Variants in MMP16 observed in about 807,000 individuals in gnomAD.
MMP16 encodes the protein matrix metalloproteinase-16.
A neutral mutation model predicts 67.8 loss-of-function variants in MMP16; 12 were observed. The observed-to-expected ratio is 0.18, with a 90% CI of 0.11 to 0.29. The LOEUF (loss-of-function observed/expected upper bound fraction) is 0.29, where lower values mean the gene tolerates loss of function less well. Among genes scored for constraint, MMP16 ranks in the 10% least tolerant of loss-of-function variants. MMP16 has a pLI of 1.00. For missense variants in MMP16, 475 were observed against 765.7 expected (o/e 0.62, Z 4.48); for synonymous variants, 249 against 255.9 (o/e 0.97, Z 0.26).
chr8:88,179,924 A>G (rs190982302), intron 3 of MMP16, among the ~76,000 whole-genome samples: 2 of 152,190 alleles, frequency 1.3e-5, no homozygotes, highest in Admixed American at 6.5e-5. Flanking sequence ...CAAAAAACCA[A>G]TAACAACAGC....
rs773789516 is a variant in MMP16, at chr8:88,056,259, G to A, written c.1242C>T (p.Phe414=). 5 of 1,574,524 alleles carry A rather than the reference G, an allele frequency of 3.2e-6. No individual in the cohort carries two copies. In the South Asian group the frequency reaches 5.9e-5, roughly 19 times the overall value. The change falls in exon 8 of 10, where the codon TTC becomes TTT. Residue 414 remains phenylalanine, a synonymous_variant. Transcript: ENST00000286614. ...AACCAGGTTGAAGAGTTGTATCCTT[G>A]AACACCCAATATTTGTTACCTGTAT... is the stretch of plus-strand genomic sequence containing the variant. ...VFFKGNKYWV[F]KDTTLQPGYP...
intron 1 of MMP16, among the ~76,000 whole-genome samples, chr8:88,284,836 CTT>C (rs757759799): frequency 2.5e-4 from 36 of 142,714 alleles, no homozygotes; most frequent in Non-Finnish European, 3.2e-4. Context: ...TTCTCTATGC[CTT>C]TTTTTTTTTT....
chr8:88,202,133 A>C (rs2129793916), intron 1 of MMP16, among the ~76,000 whole-genome samples: 1 of 152,314 alleles, frequency 6.6e-6, no homozygotes, highest in Non-Finnish European at 1.5e-5. Context: ...AAATTGCACA[A>C]ATAGAATTCA....
chr8:88,248,906 C>G (rs1189583955), intron 1 of MMP16, among the ~76,000 whole-genome samples: 2 of 151,514 alleles, frequency 1.3e-5, no homozygotes, highest in Admixed American at 1.3e-4. Flanking sequence ...GAAATATGTT[C>G]ATCAAATGTA....
At chr8:88,249,091 C>T (rs1300626368) in intron 1 of MMP16, among the ~76,000 whole-genome samples, 2 of 151,848 alleles carry the variant, frequency 1.3e-5, no homozygotes, top group Non-Finnish European at 2.9e-5. Flanking sequence ...CAACAACCTT[C>T]ACCAGAGAGG....
At position 88,113,088 on chromosome 8, in the gene MMP16, A is replaced by G. The variant is rs537931883; in HGVS notation, c.1083+3419T>C. 9.0e-4 allele frequency among the ~76,000 whole-genome samples: 137 copies of G among 151,994 alleles called. 1 individual carries two copies. The highest frequency in any genetic ancestry group is 3.3e-3 in the African/African-American group (136 of 41,542). On this transcript the variant is annotated intron_variant, in intron 6 of 9. Transcript: ENST00000286614. ...ACAGTTTGATTATGCATTTCTTACA[A>G]TGACATCCCTATTCATTAGCACTGA...
At chr8:88,169,628 T>C (rs1586187035) in intron 3 of MMP16, among the ~76,000 whole-genome samples, 2 of 152,164 alleles carry the variant, frequency 1.3e-5, no homozygotes, top group African/African-American at 4.8e-5. Context: ...ATATTATTCA[T>C]TACATAAAAG....
intron 1 of MMP16, among the ~76,000 whole-genome samples, chr8:88,207,158 A>G (rs1809442116): frequency 6.6e-6 from 1 of 152,200 alleles, no homozygotes; most frequent in African/African-American, 2.4e-5. Context: ...ACACAAATCT[A>G]TTATAAAAAG....
chr8:88,233,437 C>T (rs1161635834), intron 1 of MMP16, among the ~76,000 whole-genome samples: 1 of 152,098 alleles, frequency 6.6e-6, no homozygotes, highest in Non-Finnish European at 1.5e-5. Flanking sequence ...ACCATAATGT[C>T]CTACCCATAG....
At chr8:88,042,546 C>T (rs1262101616) in intron 9 of MMP16, among the ~76,000 whole-genome samples, 1 of 152,074 alleles carries the variant, frequency 6.6e-6, no homozygotes, top group African/African-American at 2.4e-5. Flanking sequence ...TAATTTGTGT[C>T]ACCTAGCTAT....
In MMP16 at chr8:88,167,943, G is replaced by T. The variant is rs377728837; in HGVS notation, c.435C>A (p.Asp145Glu). Residue 145 changes from aspartate to glutamate, a missense_variant, in exon 4 of 10, where the codon GAC becomes GAA. Around this residue, in one of 5 missense-constraint regions of MMP16, gnomAD observed 170 missense variants for 239.6 expected, o/e 0.71. Coordinates refer to ENST00000286614, the MANE Select transcript of MMP16 (RefSeq NM_005941.5). ...GGCGAATAGCTTTACGAGTCTCAGG[G>T]TCTCCTACTTTTGGAGTTACGTTCT... Reference protein sequence around the residue: ...SIKNVTPKVGDPETRKAIRRA... With the variant: ...SIKNVTPKVGEPETRKAIRRA... 5.2e-5 allele frequency: 84 copies of T among 1,612,158 alleles called. No homozygotes were observed. Among genetic ancestry groups the T allele is most frequent in the Non-Finnish European group, 6.9e-5 (81 of 1,179,138 alleles).
At chr8:88,184,507 T>A (rs1586194280) in intron 3 of MMP16, among the ~76,000 whole-genome samples, 2 of 123,782 alleles carry the variant, frequency 1.6e-5, no homozygotes, top group Non-Finnish European at 3.2e-5. Flanking sequence ...GGCAGGAGGA[T>A]CACTTGAGCC....
At chr8:88,291,128 A>G (rs942246136) in intron 1 of MMP16, among the ~76,000 whole-genome samples, 1 of 152,004 alleles carries the variant, frequency 6.6e-6, no homozygotes, top group African/African-American at 2.4e-5. Flanking sequence ...AAATTTTTTT[A>G]AAGTTAGCCA....
At chr8:88,318,799 A>T (rs1811414105) in intron 1 of MMP16, among the ~76,000 whole-genome samples, 1 of 152,182 alleles carries the variant, frequency 6.6e-6, no homozygotes, top group Admixed American at 6.5e-5. Flanking sequence ...CATGTGTTTA[A>T]CCAATGTTAA....
At chr8:88,212,797 G>A (rs946164601) in intron 1 of MMP16, among the ~76,000 whole-genome samples, 1 of 152,054 alleles carries the variant, frequency 6.6e-6, no homozygotes, top group Non-Finnish European at 1.5e-5. Flanking sequence ...ATAGGAAGAG[G>A]TGCACATAAA....
intron 1 of MMP16, among the ~76,000 whole-genome samples, chr8:88,319,170 A>G (rs1811420290): frequency 6.6e-6 from 1 of 152,170 alleles, no homozygotes; most frequent in African/African-American, 2.4e-5. Flanking sequence ...ACAATGAGTT[A>G]TATGAGTAGC....
intron 1 of MMP16, among the ~76,000 whole-genome samples, chr8:88,200,751 A>G (rs1809331003): frequency 6.6e-6 from 1 of 151,978 alleles, no homozygotes; most frequent in Admixed American, 6.6e-5. Flanking sequence ...TTTGTCACTA[A>G]TATTTCATGT....
chr8:88,145,195 G>C (rs534299102), intron 4 of MMP16, among the ~76,000 whole-genome samples: 15 of 152,038 alleles, frequency 9.9e-5, no homozygotes, highest in African/African-American at 3.4e-4. Context: ...CTAGATGGTA[G>C]AGCTTACTAC....
chr8:88,190,318 C>T (rs1437799825), intron 2 of MMP16, among the ~76,000 whole-genome samples: 1 of 152,144 alleles, frequency 6.6e-6, no homozygotes, highest in Non-Finnish European at 1.5e-5. Context: ...GATCAAAGCA[C>T]ATCACACTAC....
Sources: allele counts gnomAD v4.1 joint callset (sites outside exome capture counted in the v4.1 genomes callset), GRCh38; gene constraint gnomAD v4.1.1; regional missense constraint gnomAD v4.1.1; transcripts MANE v1.5; gene names NCBI Gene and HGNC (gene_info 2026-07-23, HGNC 2026-07-21).